MYOM2: variants seen among roughly 807,000 people sequenced by gnomAD.
MYOM2 encodes myomesin-2.
In MYOM2, 254 loss-of-function variants were observed where a neutral mutation model predicts 187.6. The observed-to-expected ratio is 1.35, with a 90% CI of 1.22 to 1.50. The LOEUF is 1.50. MYOM2 is among the 40% of genes most tolerant of loss of function. The pLI is 0.00. For missense variants in MYOM2, 2,796 were observed against 1,924.0 expected (o/e 1.45, Z -8.48); for synonymous variants, 981 against 753.8 (o/e 1.30, Z -4.94).
intron 3 of MYOM2, among the ~76,000 whole-genome samples, chr8:2,052,761 T>C (rs565200646): frequency 6.6e-6 from 1 of 152,358 alleles, no homozygotes; most frequent in African/African-American, 2.4e-5. Flanking sequence ...TCTGTAGCTA[T>C]GCAGGAACAG....
In MYOM2 at chr8:2,086,360, T is replaced by TGTCGTGATCTCTGGCAC. The variant is rs1796050220; in HGVS notation, c.1644+970_1644+971insGTCGTGATCTCTGGCAC. Among the ~76,000 whole-genome samples, 2 of 2,730 alleles carry TGTCGTGATCTCTGGCAC rather than the reference T, an allele frequency of 7.3e-4. 1 individual carries two copies. Among genetic ancestry groups the TGTCGTGATCTCTGGCAC allele is most frequent in the African/African-American group, 2.5e-3 (2 of 794 alleles). The allele number at this position is 2,730 out of a possible 152,430, so 1.8% of individuals were successfully genotyped here. On this transcript the variant is annotated intron_variant, in intron 14 of 36. Coordinates refer to ENST00000262113, the MANE Select transcript of MYOM2 (RefSeq NM_003970.4). ...CCACTGTTGTGATCTCTGCGTGGCC[T>TGTCGTGATCTCTGGCAC]CCCACTGTTGTGATCTCTGCGTGGC... is the stretch of plus-strand genomic sequence containing the variant.
Position 2,052,322 on chromosome 8 carries a change from A to T in MYOM2, c.263+9A>T. ...CAGGAGAACAGAAGCAGGTGAGCACATGGCTTCCCTGACTCCACTTGTGCC... is the reference window on the plus strand; with the variant it reads ...CAGGAGAACAGAAGCAGGTGAGCACTTGGCTTCCCTGACTCCACTTGTGCC... On this transcript the variant is annotated intron_variant, in intron 3 of 36. Transcript: ENST00000262113. The T allele has an allele frequency of 6.3e-7, 1 of 1,590,662 alleles. No homozygotes were observed. The highest frequency in any genetic ancestry group is 8.6e-7 in the Non-Finnish European group (1 of 1,167,630).
chr8:2,105,220 T>C (rs1373204351), intron 21 of MYOM2, among the ~76,000 whole-genome samples: 1 of 152,186 alleles, frequency 6.6e-6, no homozygotes, highest in Non-Finnish European at 1.5e-5. Context: ...AGCCTCAGAC[T>C]GTAAAGATCC....
chr8:2,142,355 C>T lies in MYOM2; in HGVS notation c.4002-20C>T, dbSNP rs768197201. ...ATACTCTCTTTTCATTCTCTCCTTT[C>T]TGTCCCCTTTAACTTTTAGAGCTGC... On this transcript the variant is annotated intron_variant, in intron 34 of 36. Transcript: ENST00000262113. The T allele has an allele frequency of 6.2e-6, 10 of 1,612,020 alleles. No individual in the cohort carries two copies. Among genetic ancestry groups the T allele is most frequent in the Non-Finnish European group, 7.6e-6 (9 of 1,177,990 alleles).
At chr8:2,107,342 G>C (rs1796928578) in intron 23 of MYOM2, among the ~76,000 whole-genome samples, 1 of 152,108 alleles carries the variant, frequency 6.6e-6, no homozygotes, top group African/African-American at 2.4e-5. Context: ...GGGTGTCTAA[G>C]GCATTTGAAT....
chr8:2,073,345 T>G lies in MYOM2; in HGVS notation c.965T>G (p.Leu322Arg). 1 of 1,605,070 alleles carries G rather than the reference T, an allele frequency of 6.2e-7. No homozygotes were observed. The highest frequency in any genetic ancestry group is 8.5e-7 in the Non-Finnish European group (1 of 1,174,948). The change falls in exon 10 of 37, where the codon CTG becomes CGG. Residue 322 changes from leucine (L) to arginine (R), a missense_variant. Coordinates refer to ENST00000262113, the MANE Select transcript of MYOM2 (RefSeq NM_003970.4). ...PRAEWYRDDV[L>R]LKESKWTKMF... ...CGTGTTAACGCTCTTTCAGACGTGCTGTTGAAAGAGTCCAAGTGGACGAAG... is the reference window on the plus strand; with the variant it reads ...CGTGTTAACGCTCTTTCAGACGTGCGGTTGAAAGAGTCCAAGTGGACGAAG...
At chr8:2,086,278 A>ACCCCACTGTCATGATCTCTGCGTGG (rs1796041352) in intron 14 of MYOM2, among the ~76,000 whole-genome samples, 4 of 59,944 alleles carry the variant, frequency 6.7e-5, no homozygotes, top group Non-Finnish European at 1.2e-4. Context: ...GATCTCTGGC[A>ACCCCACTGTCATGATCTCTGCGTGG]CCCCACTGTC....
chr8:2,096,570 A>G, intron 18 of MYOM2, 136 bp downstream of exon 18: 3 of 884,272 alleles, frequency 3.4e-6, no homozygotes, highest in South Asian at 3.6e-5. Flanking sequence ...TCATGAGATC[A>G]TGAAGTTTTG....
At position 2,090,088 on chromosome 8, in the gene MYOM2, C is replaced by T. The variant is rs760956255; in HGVS notation, c.1725C>T (p.Leu575=). The change falls in exon 15 of 37, where the codon CTC becomes CTT. Residue 575 remains leucine (L), a synonymous_variant. Transcript: ENST00000262113. ...VRSPRYAVFD[L]MEGKSYVFRV... is the part of the protein sequence containing the mutation. Reference sequence around the variant, plus strand: ...CCCCGAGATATGCCGTGTTTGACCTCATGGAAGGGAAGTCTTATGTGTTCC... The same window carrying T: ...CCCCGAGATATGCCGTGTTTGACCTTATGGAAGGGAAGTCTTATGTGTTCC... The T allele has an allele frequency of 4.3e-6, 7 of 1,613,932 alleles. No individual in the cohort carries two copies. The East Asian group carries it at 1.3e-4, about 31-fold the overall frequency.
At chr8:2,062,534 G>A (rs1306851307) in intron 6 of MYOM2, among the ~76,000 whole-genome samples, 1 of 152,178 alleles carries the variant, frequency 6.6e-6, no homozygotes. Flanking sequence ...CATCACAGCG[G>A]GGTAGGCCTG....
chr8:2,129,037 G>A, intron 31 of MYOM2, 90 bp from the exon 32 acceptor site: 1 of 836,284 alleles, frequency 1.2e-6, no homozygotes, highest in East Asian at 2.6e-5. Context: ...ATTGCAGGTG[G>A]GGACAGGAGG....
chr8:2,127,637 C>A (rs1797698170), intron 31 of MYOM2: 1 of 155,574 alleles, frequency 6.4e-6, no homozygotes, highest in Non-Finnish European at 1.4e-5. Flanking sequence ...GACGCGGTGA[C>A]GCAGCCGCAG....
chr8:2,088,260 G>A (rs944910474), intron 14 of MYOM2, among the ~76,000 whole-genome samples: 1 of 152,114 alleles, frequency 6.6e-6, no homozygotes. Context: ...TGCCTTTGCA[G>A]CAAACACACA....
chr8:2,109,187 T>C, intron 24 of MYOM2: 1 of 567,570 alleles, frequency 1.8e-6, no homozygotes. Flanking sequence ...CAAAGCTAAC[T>C]GAGAACTCAT....
Position 2,106,528 on chromosome 8 carries a change from T to G in MYOM2, c.2929T>G (p.Leu977Val), listed in dbSNP as rs1365806865. The change falls in exon 23 of 37, where the codon TTA (leucine) becomes GTA (valine). Residue 977 changes from leucine (L) to valine (V), a missense_variant. Coordinates refer to ENST00000262113, the MANE Select transcript of MYOM2 (RefSeq NM_003970.4). Reference protein sequence around the residue: ...LYLKNPDKEDLGTYSVSVSDT... With the variant: ...LYLKNPDKEDVGTYSVSVSDT... ...CTTAAAGAATCCGGATAAGGAGGAT[T>G]TAGGGACTTACTCCGTGTCTGTAAG... is the stretch of plus-strand genomic sequence containing the variant. The G allele has an allele frequency of 6.2e-7, 1 of 1,612,586 alleles. No individual in the cohort carries two copies. The highest frequency in any genetic ancestry group is 8.5e-7 in the Non-Finnish European group (1 of 1,178,760).
At chr8:2,069,167 C>G (rs78964342) in intron 6 of MYOM2, 111 bp from the exon 7 acceptor site, 14,815 of 1,044,824 alleles carry the variant, frequency 0.014, 159 homozygotes, top group African/African-American at 0.039. Flanking sequence ...CACTCATGAA[C>G]AAATAAACCA....
rs777461483 is a variant in MYOM2, at chr8:2,090,106, T to G, written c.1743T>G (p.Tyr581Ter). 6.2e-7 allele frequency: 1 copy of G among 1,613,912 alleles called. No individual in the cohort carries two copies. Among genetic ancestry groups the G allele is most frequent in the Non-Finnish European group, 8.5e-7 (1 of 1,180,004 alleles). Residue 581 changes from tyrosine (Y) to a stop codon, truncating the protein, a stop_gained, in exon 15 of 37, where the codon TAT becomes TAG. Coordinates refer to ENST00000262113, the MANE Select transcript of MYOM2 (RefSeq NM_003970.4). LOFTEE classifies it high-confidence loss of function. ...AVFDLMEGKS[Y>*]VFRVLSANRH... ...TTGACCTCATGGAAGGGAAGTCTTA[T>G]GTGTTCCGAGTGCTGTCAGCAAACC...
Position 2,141,177 on chromosome 8 carries a change from A to G in MYOM2, c.4001A>G (p.Lys1334Arg), listed in dbSNP as rs751200182. The G allele has an allele frequency of 1.7e-5, 28 of 1,612,214 alleles. No homozygotes were observed. Among genetic ancestry groups the G allele is most frequent in the Non-Finnish European group, 2.3e-5 (27 of 1,178,718 alleles). Residue 1334 changes from lysine (K) to arginine (R), a missense_variant and splice_region_variant, in exon 34 of 37, where the codon AAA (lysine) becomes AGA (arginine). Physicochemically the swap from Lys to Arg is conservative, Grantham distance 26 (BLOSUM62 2). Transcript: ENST00000262113. ...DEAFAEFQQFKAAAFAEKNRG... is the reference protein window; with the variant it reads ...DEAFAEFQQFRAAAFAEKNRG... ...GCATTTGCAGAATTCCAGCAATTCA[A>G]GTAAGATTTGTGTATTTAGTTACTA...
intron 12 of MYOM2, 121 bp from the exon 13 acceptor site, chr8:2,079,439 G>T: frequency 1.1e-6 from 1 of 915,006 alleles, no homozygotes; most frequent in East Asian, 2.4e-5. Context: ...GATGCCCCCA[G>T]AGGACTCACA....
Sources: allele counts gnomAD v4.1 joint callset (sites outside exome capture counted in the v4.1 genomes callset), GRCh38; gene constraint gnomAD v4.1.1; transcripts MANE v1.5; gene names NCBI Gene and HGNC (gene_info 2026-07-23, HGNC 2026-07-21).